The following ANKS1B variants were observed in gnomAD, a reference collection of about 807,000 sequenced individuals.
The protein encoded by ANKS1B is ankyrin repeat and sterile alpha motif domain containing 1B.
A neutral mutation model predicts 148.3 loss-of-function variants in ANKS1B; 36 were observed. The ratio of observed to expected loss-of-function variants is 0.24; its 90% CI spans 0.19 to 0.32. The LOEUF (loss-of-function observed/expected upper bound fraction) is 0.32, where lower values mean the gene tolerates loss of function less well. Ranked by LOEUF, ANKS1B falls within the 10% of genes least tolerant of loss-of-function variation. The pLI is 1.00. For missense variants in ANKS1B, 1,157 were observed against 1,542.6 expected, an observed-to-expected ratio of 0.75 and a Z score of 4.19; for synonymous variants, 542 against 560.8, an observed-to-expected ratio of 0.97 and a Z score of 0.47.
intron 14 of ANKS1B, among the ~76,000 whole-genome samples, chr12:99,182,697 A>G (rs2079267079): frequency 6.6e-6 from 1 of 152,136 alleles, no homozygotes; most frequent in Non-Finnish European, 1.5e-5. Flanking sequence ...TTACTAGATC[A>G]TATGGTAGCC....
At chr12:99,374,199 G>A (rs1186668244) in intron 12 of ANKS1B, among the ~76,000 whole-genome samples, 5 of 152,158 alleles carry the variant, frequency 3.3e-5, no homozygotes, top group Non-Finnish European at 7.3e-5. Flanking sequence ...GGAAAGAATA[G>A]TACAGCAGGC....
chr12:99,972,566 G>A (rs956098575), intron 1 of ANKS1B, among the ~76,000 whole-genome samples: 1 of 152,212 alleles, frequency 6.6e-6, no homozygotes, highest in Non-Finnish European at 1.5e-5. Context: ...AGCTGGGGAA[G>A]CTGCAGAAGA....
intron 15 of ANKS1B, among the ~76,000 whole-genome samples, chr12:99,134,643 T>TCACACA (rs1344848028): frequency 2.0e-4 from 17 of 83,154 alleles, no homozygotes; most frequent in Admixed American, 1.0e-3. Context: ...TCTCTCTCTC[T>TCACACA]CTCACACACA....
Position 99,538,697 on chromosome 12 carries a change from G to C in ANKS1B, c.1273-34056C>G, listed in dbSNP as rs552173495. Among the ~76,000 whole-genome samples the C allele has an allele frequency of 8.5e-5, 13 of 152,216 alleles. No individual in the cohort carries two copies. The South Asian group carries it at 2.5e-3, about 29-fold the overall frequency. On this transcript the variant is annotated intron_variant, in intron 9 of 26. Transcript: ENST00000683438. ...TATCACCTGCAAACAAGGATAATTT[G>C]ACTTACACCTTTCCAATATGGAGGC...
intron 8 of ANKS1B, among the ~76,000 whole-genome samples, chr12:99,724,658 C>T (rs1428992082): frequency 6.6e-6 from 1 of 152,016 alleles, no homozygotes; most frequent in Non-Finnish European, 1.5e-5. Context: ...ACAGTGAACA[C>T]CACTAAGATA....
chr12:99,261,665 G>T lies in ANKS1B; in HGVS notation c.1757-14801C>A, dbSNP rs2075936708. Among the ~76,000 whole-genome samples the T allele has an allele frequency of 2.0e-5, 3 of 152,012 alleles. No homozygotes were observed. The South Asian group carries it at 6.2e-4, about 32-fold the overall frequency. On this transcript the variant is annotated intron_variant, in intron 12 of 26. Transcript: ENST00000683438. Reference sequence around the variant, plus strand: ...TACCTTTAAAATATAACTGCAACCTGCCTATGCCTCACTTGTCCTTTTCTC... The same window carrying T: ...TACCTTTAAAATATAACTGCAACCTTCCTATGCCTCACTTGTCCTTTTCTC...
At chr12:98,856,512 A>C (rs2099572498) in intron 17 of ANKS1B, among the ~76,000 whole-genome samples, 1 of 152,238 alleles carries the variant, frequency 6.6e-6, no homozygotes, top group Non-Finnish European at 1.5e-5. Context: ...GATTATATGC[A>C]TGAAGACTGA....
At chr12:99,889,974 G>C (rs966618212) in intron 1 of ANKS1B, among the ~76,000 whole-genome samples, 20 of 152,060 alleles carry the variant, frequency 1.3e-4, no homozygotes, top group African/African-American at 4.8e-4. Context: ...GTGAACTCCA[G>C]GCTGAGAACT....
chr12:99,443,678 G>A lies in ANKS1B; in HGVS notation c.1570C>T (p.Pro524Ser). ...ATGCCATTCTGGGCACTTACCTGGG[G>A]TCGAATGACTTTTACAATATTTTTG... ...ALKNIVKVIRPQPKQRTSIVS... is the reference protein window; with the variant it reads ...ALKNIVKVIRSQPKQRTSIVS... Residue 524 changes from proline to serine, a missense_variant, in exon 11 of 27, where the codon CCC becomes TCC. This residue lies in a region of ANKS1B where 661 missense variants were observed against 642.1 expected (regional missense o/e 1.03). Coordinates refer to ENST00000683438, the MANE Select transcript of ANKS1B (RefSeq NM_001352186.2). The A allele has an allele frequency of 6.2e-7, 1 of 1,611,564 alleles. No individual in the cohort carries two copies. Among genetic ancestry groups the A allele is most frequent in the East Asian group, 2.2e-5 (1 of 44,818 alleles).
At chr12:99,129,839 T>C (rs1479355638) in intron 15 of ANKS1B, among the ~76,000 whole-genome samples, 1 of 152,202 alleles carries the variant, frequency 6.6e-6, no homozygotes, top group Non-Finnish European at 1.5e-5. Flanking sequence ...ATGTTCAGTA[T>C]AACATTGGGA....
At chr12:99,284,812 G>C (rs915423317) in intron 12 of ANKS1B, among the ~76,000 whole-genome samples, 1 of 151,934 alleles carries the variant, frequency 6.6e-6, no homozygotes, top group African/African-American at 2.4e-5. Flanking sequence ...TTTGTGATCC[G>C]GCCCCTCCCT....
rs182306889 is a variant in ANKS1B, at chr12:98,828,484, A to G, written c.3066+690T>C. Among the ~76,000 whole-genome samples, 5 of 152,318 alleles carry G rather than the reference A, an allele frequency of 3.3e-5. No homozygotes were observed. In the East Asian group the frequency reaches 7.7e-4, roughly 23 times the overall value. Reference sequence around the variant, plus strand: ...TGCCAATGGTTGACAACAAATCCATATTTTTGAATCTCAGGGTGAAATGCG... The same window carrying G: ...TGCCAATGGTTGACAACAAATCCATGTTTTTGAATCTCAGGGTGAAATGCG... On this transcript the variant is annotated intron_variant, in intron 19 of 26. Transcript: ENST00000683438.
intron 12 of ANKS1B, among the ~76,000 whole-genome samples, chr12:99,276,180 G>A (rs1181812354): frequency 6.6e-6 from 1 of 152,166 alleles, no homozygotes; most frequent in East Asian, 1.9e-4. Context: ...TTTGATGAAT[G>A]AGAGTTGAGT....
chr12:99,264,425 T>C (rs2076235160), intron 12 of ANKS1B, among the ~76,000 whole-genome samples: 1 of 152,154 alleles, frequency 6.6e-6, no homozygotes, highest in South Asian at 2.1e-4. Flanking sequence ...TCCAGTGTAT[T>C]TTTTGCCTTC....
At chr12:99,139,381 C>T (rs376246348) in intron 15 of ANKS1B, among the ~76,000 whole-genome samples, 1 of 336 alleles carries the variant, frequency 3.0e-3, no homozygotes, top group Non-Finnish European at 4.2e-3. Context: ...CTCCCTCCCT[C>T]CTTTCTTTCT....
intron 4 of ANKS1B, among the ~76,000 whole-genome samples, chr12:99,796,637 AC>A (rs1265628711): frequency 6.6e-6 from 1 of 151,938 alleles, no homozygotes; most frequent in African/African-American, 2.4e-5. Flanking sequence ...AATTTTAAAA[AC>A]CTAATATGGT....
intron 12 of ANKS1B, among the ~76,000 whole-genome samples, chr12:99,254,219 G>A (rs144110834): frequency 6.6e-6 from 1 of 152,278 alleles, no homozygotes; most frequent in East Asian, 1.9e-4. Context: ...GTGGTTCTGT[G>A]GTTGTGTAAG....
chr12:99,729,895 A>G (rs2153566092), intron 8 of ANKS1B, among the ~76,000 whole-genome samples: 1 of 152,258 alleles, frequency 6.6e-6, no homozygotes, highest in East Asian at 1.9e-4. Flanking sequence ...TTTGCATATA[A>G]GTTTGTCACT....
chr12:99,365,051 T>A (rs998570758), intron 12 of ANKS1B, among the ~76,000 whole-genome samples: 3 of 152,180 alleles, frequency 2.0e-5, no homozygotes, highest in Admixed American at 1.3e-4. Context: ...TAGAAGAGTC[T>A]TACCGGAAAA....
Sources: allele counts gnomAD v4.1 joint callset (sites outside exome capture counted in the v4.1 genomes callset), GRCh38; gene constraint gnomAD v4.1.1; regional missense constraint gnomAD v4.1.1; transcripts MANE v1.5; gene names NCBI Gene and HGNC (gene_info 2026-07-23, HGNC 2026-07-21).